Variants in TBC1D9 observed in about 807,000 individuals in gnomAD.
TBC1D9 encodes the protein TBC1 domain family member 9A.
In TBC1D9, 63 loss-of-function variants were observed where a neutral mutation model predicts 132.0. That is an observed-to-expected ratio of 0.48 (90% CI 0.39 to 0.59). The LOEUF is 0.59. Among genes scored for constraint, TBC1D9 ranks in the 20% least tolerant of loss-of-function variants. TBC1D9 has a pLI of 0.00. For synonymous variants in TBC1D9, 610 were observed against 609.9 expected, an observed-to-expected ratio of 1.00 and a Z score of 0.00; for missense variants, 1,261 against 1,592.7, an observed-to-expected ratio of 0.79 and a Z score of 3.54.
intron 1 of TBC1D9, among the ~76,000 whole-genome samples, chr4:140,741,491 C>T (rs761557490): frequency 3.3e-5 from 5 of 152,030 alleles, no homozygotes; most frequent in East Asian, 3.9e-4. Flanking sequence ...CTGAGACAGG[C>T]GGATTGCTTG....
intron 13 of TBC1D9, among the ~76,000 whole-genome samples, chr4:140,649,077 C>G (rs1737147492): frequency 6.6e-6 from 1 of 152,188 alleles, no homozygotes; most frequent in Non-Finnish European, 1.5e-5. Flanking sequence ...ACCACAAGGT[C>G]AAGCTCAATC....
intron 13 of TBC1D9, chr4:140,642,098 C>T (rs1206311750): frequency 9.6e-6 from 7 of 725,756 alleles, no homozygotes; most frequent in South Asian, 8.8e-5. Context: ...GGGGTGTGTG[C>T]CAGGCCCTCT....
At chr4:140,665,071 C>T (rs28767190) in intron 9 of TBC1D9, among the ~76,000 whole-genome samples, 18,190 of 148,274 alleles carry the variant, frequency 0.12, 2,406 homozygotes, top group African/African-American at 0.34. Flanking sequence ...TATGCCATTG[C>T]ACTCCAGCCT....
intron 2 of TBC1D9, among the ~76,000 whole-genome samples, chr4:140,689,754 T>C (rs190324040): frequency 0.03 from 2,742 of 91,406 alleles, 90 homozygotes; most frequent in African/African-American, 0.083. Flanking sequence ...CTCCCACCCC[T>C]TTTTTTTTTT....
intron 1 of TBC1D9, among the ~76,000 whole-genome samples, chr4:140,715,627 C>T (rs1738323780): frequency 6.6e-6 from 1 of 152,140 alleles, no homozygotes; most frequent in African/African-American, 2.4e-5. Context: ...AGTCTTGCAT[C>T]CAAATATTCT....
intron 13 of TBC1D9, among the ~76,000 whole-genome samples, chr4:140,652,846 C>T (rs1004559557): frequency 2.0e-5 from 3 of 152,160 alleles, no homozygotes; most frequent in Non-Finnish European, 4.4e-5. Context: ...ACAGATTGTG[C>T]CTTCTGTTTT....
chr4:140,712,378 T>A (rs1738257346), intron 1 of TBC1D9: 1 of 145,620 alleles, frequency 6.9e-6, no homozygotes, highest in African/African-American at 2.6e-5. Context: ...AAGTTTACAG[T>A]GTCAAAATGA....
In TBC1D9 at chr4:140,622,425, G is replaced by C; in HGVS notation, c.3571C>G (p.Arg1191Gly). The change falls in exon 21 of 21, where the codon CGG becomes GGG. Residue 1191 changes from arginine (R) to glycine (G), a missense_variant. Arg to Gly is a moderately radical substitution (Grantham distance 125). Coordinates refer to ENST00000442267, the MANE Select transcript of TBC1D9 (RefSeq NM_015130.3). The part of the protein sequence containing the change: ...EDIGEDTVLV[R>G]SGQGTAALPR... ...AGTGCCGCCGTGCCCTGGCCGCTCC[G>C]CACCAGGACCGTGTCCTCTCCGATG... The C allele has an allele frequency of 6.2e-7, 1 of 1,613,656 alleles. No homozygotes were observed. Among genetic ancestry groups the C allele is most frequent in the Non-Finnish European group, 8.5e-7 (1 of 1,179,688 alleles).
intron 1 of TBC1D9, chr4:140,716,119 T>C (rs1738330341): frequency 6.6e-6 from 1 of 152,218 alleles, no homozygotes; most frequent in South Asian, 2.1e-4. Context: ...CCTTACAGAA[T>C]ATATTAGGCC....
At chr4:140,679,533 G>C in intron 4 of TBC1D9, 82 bp downstream of exon 4, 6 of 959,370 alleles carry the variant, frequency 6.3e-6, no homozygotes, top group Non-Finnish European at 9.4e-6. Flanking sequence ...ATTTATTTCT[G>C]ATATTTTGAT....
intron 1 of TBC1D9, among the ~76,000 whole-genome samples, chr4:140,750,563 A>T (rs1738908480): frequency 6.6e-6 from 1 of 152,068 alleles, no homozygotes; most frequent in Non-Finnish European, 1.5e-5. Flanking sequence ...AATATGAAAC[A>T]CCTAGGAATA....
chr4:140,684,417 T>C (rs2111022986), intron 3 of TBC1D9, among the ~76,000 whole-genome samples: 1 of 152,234 alleles, frequency 6.6e-6, no homozygotes, highest in South Asian at 2.1e-4. Flanking sequence ...GGACAATATG[T>C]GAATGCTTAA....
At chr4:140,745,364 A>G (rs913780905) in intron 1 of TBC1D9, among the ~76,000 whole-genome samples, 1 of 152,190 alleles carries the variant, frequency 6.6e-6, no homozygotes, top group African/African-American at 2.4e-5. Context: ...CTGCTTTTGT[A>G]TTACAGTTGA....
At chr4:140,744,590 G>T (rs1414388591) in intron 1 of TBC1D9, among the ~76,000 whole-genome samples, 1 of 152,038 alleles carries the variant, frequency 6.6e-6, no homozygotes, top group African/African-American at 2.4e-5. Flanking sequence ...CCTCATCTAC[G>T]TAAGAGCCTT....
intron 20 of TBC1D9, 37 bp downstream of exon 20, chr4:140,624,079 A>G (rs747003840): frequency 6.7e-7 from 1 of 1,501,218 alleles, no homozygotes. Flanking sequence ...AAGAGTGTCC[A>G]GGTTTGAAGC....
chr4:140,698,735 C>G (rs1437779131), intron 2 of TBC1D9, among the ~76,000 whole-genome samples: 13 of 150,136 alleles, frequency 8.7e-5, no homozygotes, highest in South Asian at 2.1e-4. Flanking sequence ...GAGACTCCAT[C>G]TCGGGGGTGG....
intron 1 of TBC1D9, among the ~76,000 whole-genome samples, chr4:140,707,442 C>T (rs929390749): frequency 1.3e-5 from 2 of 152,202 alleles, no homozygotes; most frequent in East Asian, 1.9e-4. Flanking sequence ...CTTCTATACA[C>T]ATGCAAGACT....
intron 1 of TBC1D9, among the ~76,000 whole-genome samples, chr4:140,731,694 C>CAT (rs1553973957): frequency 0.044 from 6,571 of 150,298 alleles, 198 homozygotes; most frequent in South Asian, 0.092. Context: ...CACACACACA[C>CAT]CCCAAACATT....
intron 1 of TBC1D9, among the ~76,000 whole-genome samples, chr4:140,739,197 G>T (rs1178396514): frequency 1.3e-5 from 2 of 151,994 alleles, no homozygotes; most frequent in Non-Finnish European, 2.9e-5. Context: ...CTCCAAGTTG[G>T]TCAGGCTGGT....
Sources: allele counts gnomAD v4.1 joint callset (sites outside exome capture counted in the v4.1 genomes callset), GRCh38; gene constraint gnomAD v4.1.1; transcripts MANE v1.5; gene names NCBI Gene and HGNC (gene_info 2026-07-23, HGNC 2026-07-21).